Variants in ZFYVE9 observed in about 807,000 individuals in gnomAD.
ZFYVE9 encodes the protein zinc finger FYVE-type containing 9.
Under a neutral mutation model 126.7 loss-of-function variants are expected in ZFYVE9, and 43 were observed. The observed-to-expected ratio is 0.34, with a 90% CI of 0.27 to 0.44. ZFYVE9 has a LOEUF of 0.44. Ranked by LOEUF, ZFYVE9 falls within the 20% of genes least tolerant of loss-of-function variation. ZFYVE9 has a pLI of 1.00. For missense variants in ZFYVE9, 1,476 were observed against 1,697.0 expected (o/e 0.87, Z 2.29); for synonymous variants, 521 against 597.4 (o/e 0.87, Z 1.87).
intron 3 of ZFYVE9, among the ~76,000 whole-genome samples, chr1:52,236,155 A>G (rs1255579581): frequency 1.3e-5 from 2 of 152,148 alleles, no homozygotes; most frequent in Non-Finnish European, 2.9e-5. Flanking sequence ...GAGATTATAT[A>G]CTTCTTAGAG....
intron 1 of ZFYVE9, among the ~76,000 whole-genome samples, chr1:52,208,817 A>G (rs1203208040): frequency 1.3e-5 from 2 of 152,182 alleles, no homozygotes; most frequent in Non-Finnish European, 2.9e-5. Context: ...ACAGGCATGA[A>G]CTACCATGCC....
intron 1 of ZFYVE9, among the ~76,000 whole-genome samples, chr1:52,174,637 C>G (rs1374075810): frequency 6.6e-6 from 1 of 151,430 alleles, no homozygotes; most frequent in Non-Finnish European, 1.5e-5. Context: ...GTGTGGGAGT[C>G]TGAGTCTCTT....
rs58857376 is a variant in ZFYVE9 at position 52,272,673 on chromosome 1, C to CTTTTTTT, written c.2626-1777_2626-1771dup. Reference sequence around the variant, plus strand: ...ATGAAATGAAGCTGCTAGAAATAATCTTTTTTTTTTTTTTTTTTTTGAGTC... The same window carrying CTTTTTTT: ...ATGAAATGAAGCTGCTAGAAATAATCTTTTTTTTTTTTTTTTTTTTTTTTTTTGAGTC... On this transcript the variant is annotated intron_variant, in intron 7 of 18. Transcript: ENST00000287727. 3.0e-3 allele frequency among the ~76,000 whole-genome samples: 363 copies of CTTTTTTT among 121,232 alleles called. 13 individuals are homozygous for CTTTTTTT. Among genetic ancestry groups the CTTTTTTT allele is most frequent in the African/African-American group, 0.012 (347 of 29,574 alleles). 79.5% of individuals were successfully genotyped at this position (121,232 alleles called of 152,430 possible). A position where few individuals can be genotyped will look rare whatever the true frequency, so the allele number is the denominator to read the frequency against.
At chr1:52,160,473 G>A in intron 1 of ZFYVE9, 1 of 815,750 alleles carries the variant, frequency 1.2e-6, no homozygotes, top group Admixed American at 1.7e-5. Flanking sequence ...AGCTGGAATG[G>A]ACGAGTGGCA....
chr1:52,238,568 C>T lies in ZFYVE9; in HGVS notation c.1151C>T (p.Thr384Ile). The part of the protein sequence containing the change: ...GYEHEETLGT[T>I]EFLNMTEHFS... The stretch of plus-strand genomic sequence containing the variant: ...GAACATGAAGAAACTCTTGGCACTA[C>T]AGAATTCCTTAATATGACAGAGCAT... Residue 384 changes from threonine (T) to isoleucine (I), a missense_variant, in exon 4 of 19, where the codon ACA (threonine) becomes ATA (isoleucine). Physicochemically the swap from Thr to Ile is moderately conservative, Grantham distance 89 (BLOSUM62 -1). Coordinates refer to ENST00000287727, the MANE Select transcript of ZFYVE9 (RefSeq NM_004799.4). 1.2e-6 allele frequency: 2 copies of T among 1,614,040 alleles called. No individual in the cohort carries two copies. Among genetic ancestry groups the T allele is most frequent in the South Asian group, 2.2e-5 (2 of 91,082 alleles).
At chr1:52,336,947 T>TAAAAAAAAAAAAAA (rs71041896) in intron 15 of ZFYVE9, among the ~76,000 whole-genome samples, 61 of 107,838 alleles carry the variant, frequency 5.7e-4, no homozygotes, top group African/African-American at 2.2e-3. Context: ...AGTCATCTCT[T>TAAAAAAAAAAAAAA]AAAAAAAAAA....
intron 10 of ZFYVE9, among the ~76,000 whole-genome samples, chr1:52,290,548 ATT>A (rs1051720639): frequency 3.9e-5 from 6 of 152,086 alleles, no homozygotes; most frequent in Non-Finnish European, 5.9e-5. Context: ...TCTTTGACAA[ATT>A]ATCTGTTGAA....
intron 13 of ZFYVE9, among the ~76,000 whole-genome samples, chr1:52,326,013 G>T (rs1307981707): frequency 6.6e-6 from 1 of 152,230 alleles, no homozygotes. Flanking sequence ...GAAACACCGG[G>T]AGGTAAAGCT....
chr1:52,143,962 ATTTT>A lies in ZFYVE9; in HGVS notation c.-143+1561_-143+1564del, dbSNP rs1310861988. ...CAGTTATTTGGGTAGGTTAATCTCGATTTTTAAAAGTCTAATTCAGGCAAAGTGT... is the reference window on the plus strand; with the variant it reads ...CAGTTATTTGGGTAGGTTAATCTCGATAAAAGTCTAATTCAGGCAAAGTGT... On this transcript the variant is annotated intron_variant, in intron 1 of 18. Coordinates refer to ENST00000287727, the MANE Select transcript of ZFYVE9 (RefSeq NM_004799.4). Among the ~76,000 whole-genome samples the A allele has an allele frequency of 3.3e-5, 5 of 152,266 alleles. No individual in the cohort carries two copies. The South Asian group carries it at 1.0e-3, about 32-fold the overall frequency.
chr1:52,251,343 C>G (rs904066283), intron 4 of ZFYVE9, among the ~76,000 whole-genome samples: 1 of 151,976 alleles, frequency 6.6e-6, no homozygotes, highest in Non-Finnish European at 1.5e-5. Flanking sequence ...AATATATGGC[C>G]TTTATTATGC....
chr1:52,173,405 A>G (rs1403869489), intron 1 of ZFYVE9, among the ~76,000 whole-genome samples: 1 of 152,192 alleles, frequency 6.6e-6, no homozygotes, highest in Non-Finnish European at 1.5e-5. Context: ...TTGGTTTGCC[A>G]GTATTTTATT....
At chr1:52,285,353 C>T (rs1645847624) in intron 10 of ZFYVE9, among the ~76,000 whole-genome samples, 1 of 152,120 alleles carries the variant, frequency 6.6e-6, no homozygotes, top group Non-Finnish European at 1.5e-5. Context: ...ACCCACAGGC[C>T]ATGGACTGGT....
rs1266956643 is a variant in ZFYVE9 at position 52,216,356 on chromosome 1, G to A, written c.-142-13G>A. 1.0e-5 allele frequency: 4 copies of A among 398,288 alleles called. No homozygotes were observed. Among genetic ancestry groups the A allele is most frequent in the Non-Finnish European group, 1.8e-5 (4 of 225,906 alleles). The allele number at this position is 398,288 out of a possible 1,614,324, so 24.7% of individuals were successfully genotyped here. On this transcript the variant is annotated splice_polypyrimidine_tract_variant and intron_variant, in intron 1 of 18. Coordinates refer to ENST00000287727, the MANE Select transcript of ZFYVE9 (RefSeq NM_004799.4). The stretch of plus-strand genomic sequence containing the variant: ...TTTCAGCAAGTGTAATGAGCAATGT[G>A]TTTTTCCTTTAGGATCAAACAGAGC...
chr1:52,237,635 C>A lies in ZFYVE9; in HGVS notation c.218C>A (p.Ser73Tyr), dbSNP rs1185955055. 4 of 1,614,074 alleles carry A rather than the reference C, an allele frequency of 2.5e-6. No homozygotes were observed. Among genetic ancestry groups the A allele is most frequent in the Non-Finnish European group, 3.4e-6 (4 of 1,179,966 alleles). Reference sequence around the variant, plus strand: ...TCACAACCACAACTGAAAGTCTTCTCCCTGGCTCATTCAGCTCCCCTGACC... The same window carrying A: ...TCACAACCACAACTGAAAGTCTTCTACCTGGCTCATTCAGCTCCCCTGACC... ...NESQPQLKVF[S>Y]LAHSAPLTTE... The change falls in exon 4 of 19, where the codon TCC becomes TAC. Residue 73 changes from serine (S) to tyrosine (Y), a missense_variant. This residue lies in a region of ZFYVE9 where 807 missense variants were observed against 794.6 expected (regional missense o/e 1.02). Transcript: ENST00000287727.
chr1:52,217,000 G>C (rs1389464002), intron 2 of ZFYVE9, among the ~76,000 whole-genome samples: 1 of 151,888 alleles, frequency 6.6e-6, no homozygotes, highest in African/African-American at 2.4e-5. Context: ...GATTATTTAA[G>C]GGTGTGAACC....
intron 13 of ZFYVE9, among the ~76,000 whole-genome samples, chr1:52,329,894 G>A (rs946198353): frequency 1.3e-5 from 2 of 151,798 alleles, no homozygotes; most frequent in Non-Finnish European, 1.5e-5. Context: ...GACAGAGCGA[G>A]ACTGTCTCAA....
At chr1:52,210,306 G>A (rs1433484333) in intron 1 of ZFYVE9, among the ~76,000 whole-genome samples, 1 of 152,188 alleles carries the variant, frequency 6.6e-6, no homozygotes, top group Non-Finnish European at 1.5e-5. Context: ...TAGTAGCAGT[G>A]TATGTGGGTT....
At chr1:52,231,880 G>C (rs1347445482) in intron 2 of ZFYVE9, among the ~76,000 whole-genome samples, 1 of 152,082 alleles carries the variant, frequency 6.6e-6, no homozygotes, top group African/African-American at 2.4e-5. Context: ...ACCCACGTTG[G>C]CCTTGCAAAG....
intron 1 of ZFYVE9, among the ~76,000 whole-genome samples, chr1:52,146,231 G>A (rs1483185795): frequency 6.6e-6 from 1 of 152,080 alleles, no homozygotes; most frequent in African/African-American, 2.4e-5. Context: ...TTTATATAAG[G>A]GATTTGAGCA....
Sources: gnomAD v4.1 joint callset for allele counts (sites outside exome capture counted in the v4.1 genomes callset) on GRCh38, gnomAD v4.1.1 for gene constraint, gnomAD v4.1.1 regional missense constraint, MANE v1.5 for transcripts, NCBI Gene and HGNC (gene_info 2026-07-23, HGNC 2026-07-21) for gene names.